Variants in MOV10L1 observed in about 807,000 individuals in gnomAD.
The protein encoded by MOV10L1 is Mov10 like RNA helicase 1.
In MOV10L1, 110 loss-of-function variants were observed where a neutral mutation model predicts 143.8. That is an observed-to-expected ratio of 0.76 (90% CI 0.66 to 0.90). The LOEUF is 0.90. MOV10L1 is among the 40% of genes least tolerant of loss of function. The pLI is 0.00. For synonymous variants in MOV10L1, 593 were observed against 581.1 expected, an observed-to-expected ratio of 1.02 and a Z score of -0.29; for missense variants, 1,406 against 1,526.8, an observed-to-expected ratio of 0.92 and a Z score of 1.32.
At position 50,096,189 on chromosome 22, in the gene MOV10L1, T is replaced by G. The variant is rs1270627587; in HGVS notation, c.283-3254T>G. ...CATCCCAGTAGACACTCTGTACCCA[T>G]TAAACAGTTATTCAGTGTTCTACTT... On this transcript the variant is annotated intron_variant, in intron 2 of 26. Coordinates refer to ENST00000262794, the MANE Select transcript of MOV10L1 (RefSeq NM_018995.3). 3 of 152,258 alleles carry G rather than the reference T, an allele frequency of 2.0e-5. No individual in the cohort carries two copies. In the East Asian group the frequency reaches 5.8e-4, roughly 29 times the overall value. The allele number at this position is 152,258 out of a possible 1,614,324, so 9.4% of individuals were successfully genotyped here.
chr22:50,092,218 C>G, intron 2 of MOV10L1, 33 bp downstream of exon 2: 2 of 1,587,218 alleles, frequency 1.3e-6, no homozygotes, highest in Non-Finnish European at 1.7e-6. Context: ...AACAGTTTTT[C>G]TTCGCCACGG....
chr22:50,099,302 G>A, intron 2 of MOV10L1, 141 bp from the exon 3 acceptor site: 1 of 910,140 alleles, frequency 1.1e-6, no homozygotes, highest in Non-Finnish European at 1.6e-6. Flanking sequence ...CCAGGAAGAA[G>A]GCCCTCACCA....
intron 12 of MOV10L1, 147 bp from the exon 13 acceptor site, chr22:50,128,269 T>C: frequency 1.7e-6 from 1 of 584,648 alleles, no homozygotes; most frequent in South Asian, 2.1e-5. Context: ...TATAATCGAA[T>C]GGCGTAATGA....
At position 50,120,587 on chromosome 22, in the gene MOV10L1, A is replaced by G; in HGVS notation, c.1540A>G (p.Ile514Val). ...AAAATGTGTGGAACAAAAAATTGAC[A>G]TCCTGACTTTCCAGCCATTACTTGC... Reference protein sequence around the residue: ...LRKCVEQKIDILTFQPLLAEL... With the variant: ...LRKCVEQKIDVLTFQPLLAEL... Residue 514 changes from isoleucine to valine, a missense_variant, in exon 10 of 27, where the codon ATC becomes GTC. By Grantham distance (29) the Ile-to-Val change is conservative. Transcript: ENST00000262794. 6.2e-7 allele frequency: 1 copy of G among 1,613,158 alleles called. No homozygotes were observed. The highest frequency in any genetic ancestry group is 1.1e-5 in the South Asian group (1 of 90,920).
intron 3 of MOV10L1, 66 bp downstream of exon 3, chr22:50,099,668 C>T (rs2062686387): frequency 2.0e-6 from 3 of 1,537,068 alleles, no homozygotes; most frequent in Admixed American, 3.6e-5. Flanking sequence ...TTGTTATGGA[C>T]CAGGCACGGT....
chr22:50,111,253 G>A (rs1282916954), intron 5 of MOV10L1, among the ~76,000 whole-genome samples: 1 of 152,186 alleles, frequency 6.6e-6, no homozygotes, highest in Non-Finnish European at 1.5e-5. Context: ...AGGAGAAAGA[G>A]GGTGCGGTCA....
At position 50,090,055 on chromosome 22, in the gene MOV10L1, C is replaced by A; in HGVS notation, c.-34C>A. 21 of 1,166,284 alleles carry A rather than the reference C, an allele frequency of 1.8e-5. No individual in the cohort carries two copies. The highest frequency in any genetic ancestry group is 2.2e-5 in the Non-Finnish European group (21 of 952,216). 72.2% of individuals were successfully genotyped at this position (1,166,284 alleles called of 1,614,324 possible). A position where few individuals can be genotyped will look rare whatever the true frequency, so the allele number is the denominator to read the frequency against. On this transcript the variant is annotated 5_prime_UTR_variant, in exon 1 of 27. Coordinates refer to ENST00000262794, the MANE Select transcript of MOV10L1 (RefSeq NM_018995.3). ...CGCGGGCGCGTGCGGGCGGCGGCAG[C>A]GGCGGTGACGGCAGCCTAGGCCGGG...
At chr22:50,118,450 G>A (rs2062243822) in intron 9 of MOV10L1, among the ~76,000 whole-genome samples, 2 of 152,202 alleles carry the variant, frequency 1.3e-5, no homozygotes. Flanking sequence ...TTGAGAAAAA[G>A]GGGCTCACTG....
At chr22:50,134,879 A>C (rs1227527136) in intron 15 of MOV10L1, among the ~76,000 whole-genome samples, 2 of 152,250 alleles carry the variant, frequency 1.3e-5, no homozygotes, top group Non-Finnish European at 2.9e-5. Context: ...AAATATTCAA[A>C]AATAGATTTA....
At position 50,114,449 on chromosome 22, in the gene MOV10L1, T is replaced by G; in HGVS notation, c.953T>G (p.Phe318Cys). The G allele has an allele frequency of 1.9e-6, 3 of 1,614,226 alleles. No homozygotes were observed. Among genetic ancestry groups the G allele is most frequent in the Non-Finnish European group, 2.5e-6 (3 of 1,180,044 alleles). Residue 318 changes from phenylalanine (F) to cysteine (C), a missense_variant, in exon 7 of 27, where the codon TTC becomes TGC. By Grantham distance (205) the Phe-to-Cys change is radical. Around this residue, in one of 3 missense-constraint regions of MOV10L1, gnomAD observed 1,233 missense variants for 1,351.4 expected, o/e 0.91. Transcript: ENST00000262794. ...GCTGGCTGGGATAAATCTAAACAAT[T>G]CAGATTCCAAATGCTGGATAAAGAC... is the stretch of plus-strand genomic sequence containing the variant. ...KLAGWDKSKQ[F>C]RFQMLDKDQM... is the part of the protein sequence containing the mutation.
At chr22:50,143,646 G>A (rs17013161) in intron 17 of MOV10L1, among the ~76,000 whole-genome samples, 12,182 of 152,208 alleles carry the variant, frequency 0.08, 1,689 homozygotes, top group African/African-American at 0.28. Context: ...CCTGTTTCAG[G>A]TTCATCAAGG....
rs2063481758 is a variant in MOV10L1 at position 50,158,463 on chromosome 22, G to A, written c.3216+257G>A. 1 of 482,458 alleles carries A rather than the reference G, an allele frequency of 2.1e-6. No homozygotes were observed. The highest frequency in any genetic ancestry group is 3.7e-6 in the Non-Finnish European group (1 of 272,834). The allele number at this position is 482,458 out of a possible 1,614,324, so 29.9% of individuals were successfully genotyped here. A position where few individuals can be genotyped will look rare whatever the true frequency, so the allele number is the denominator to read the frequency against. On this transcript the variant is annotated intron_variant, in intron 23 of 26. Coordinates refer to ENST00000262794, the MANE Select transcript of MOV10L1 (RefSeq NM_018995.3). The surrounding 1 kb of genome is among the most constrained non-coding windows in gnomAD (Gnocchi z 5.0). ...CATTTCTAAATGGTTACATTTATAT[G>A]TCCCTTGATATTTGGCCCTTTGGGA...
At position 50,161,512 on chromosome 22, in the gene MOV10L1, G is replaced by T. The variant is rs2063559745; in HGVS notation, c.*63G>T. The T allele has an allele frequency of 2.0e-6, 3 of 1,467,778 alleles. No individual in the cohort carries two copies. The highest frequency in any genetic ancestry group is 2.8e-6 in the Non-Finnish European group (3 of 1,081,130). 90.9% of individuals were successfully genotyped at this position (1,467,778 alleles called of 1,614,324 possible). ...CCTGGCCACGTTGCCGTTACAGTCT[G>T]CTCCGTGGCTCCTGTGGCCTGCCCT... On this transcript the variant is annotated 3_prime_UTR_variant, in exon 27 of 27. Coordinates refer to ENST00000262794, the MANE Select transcript of MOV10L1 (RefSeq NM_018995.3).
chr22:50,113,934 T>G, intron 6 of MOV10L1, 146 bp downstream of exon 6: 1 of 878,172 alleles, frequency 1.1e-6, no homozygotes, highest in Non-Finnish European at 1.6e-6. Flanking sequence ...TTTTTTTTTT[T>G]TTGAGACAGC....
intron 2 of MOV10L1, among the ~76,000 whole-genome samples, chr22:50,096,954 G>A (rs920585473): frequency 2.0e-5 from 3 of 152,096 alleles, no homozygotes; most frequent in African/African-American, 7.2e-5. Context: ...ATCCTTTGAT[G>A]CACAGATGTT....
In MOV10L1 at chr22:50,121,099, T is replaced by C. The variant is rs931838527; in HGVS notation, c.1569+483T>C. Among the ~76,000 whole-genome samples, 9 of 152,206 alleles carry C rather than the reference T, an allele frequency of 5.9e-5. No individual in the cohort carries two copies. The East Asian group carries it at 1.7e-3, about 29-fold the overall frequency. On this transcript the variant is annotated intron_variant, in intron 10 of 26. Coordinates refer to ENST00000262794, the MANE Select transcript of MOV10L1 (RefSeq NM_018995.3). ...AGAAAAGTTCAAGAAGGAAGAAAAG[T>C]CTATAAATTTGGCAGTTTGAGGGGA...
intron 19 of MOV10L1, chr22:50,146,927 A>G (rs2063168189): frequency 2.6e-6 from 2 of 764,070 alleles, no homozygotes; most frequent in African/African-American, 3.5e-5. Context: ...TTACACTTAG[A>G]GCATGTCAGG....
In MOV10L1 at chr22:50,114,563, AAAAC is replaced by A. The variant is rs2062114743; in HGVS notation, c.1071_1074del (p.Asn357LysfsTer11). On this transcript the variant is annotated frameshift_variant, in exon 7 of 27. Coordinates refer to ENST00000262794, the MANE Select transcript of MOV10L1 (RefSeq NM_018995.3). LOFTEE classifies it high-confidence loss of function. The stretch of plus-strand genomic sequence containing the variant: ...ATTAATTCATTAAATAGCCACACAA[AAAAC>A]AAAACCTCTCAGATGTCGGAGAGCA... 1 of 1,614,230 alleles carries A rather than the reference AAAAC, an allele frequency of 6.2e-7. No homozygotes were observed. Among genetic ancestry groups the A allele is most frequent in the Non-Finnish European group, 8.5e-7 (1 of 1,180,034 alleles).
chr22:50,128,115 A>T (rs189463284), intron 12 of MOV10L1, among the ~76,000 whole-genome samples: 2 of 152,108 alleles, frequency 1.3e-5, no homozygotes, highest in East Asian at 3.9e-4. Flanking sequence ...ACACTTGGCT[A>T]CCCTTGTGGT....
Sources: allele counts gnomAD v4.1 joint callset (sites outside exome capture counted in the v4.1 genomes callset), GRCh38; gene constraint gnomAD v4.1.1; regional missense constraint gnomAD v4.1.1; non-coding constraint Gnocchi (gnomAD v3.1); transcripts MANE v1.5; gene names NCBI Gene and HGNC (gene_info 2026-07-23, HGNC 2026-07-21).